PPP1R42: variants seen among roughly 807,000 people sequenced by gnomAD.
PPP1R42 encodes the protein leucine rich repeat containing 67.
PPP1R42 carries 34 observed loss-of-function variants against 31.0 expected under a neutral mutation model. The ratio of observed to expected loss-of-function variants is 1.10; its 90% CI spans 0.83 to 1.46. PPP1R42 has a LOEUF of 1.46. PPP1R42 is among the 40% of genes most tolerant of loss of function. The pLI is 0.00. For synonymous variants in PPP1R42, 103 were observed against 109.8 expected, an observed-to-expected ratio of 0.94 and a Z score of 0.39; for missense variants, 268 against 303.0, an observed-to-expected ratio of 0.88 and a Z score of 0.86.
intron 5 of PPP1R42, among the ~76,000 whole-genome samples, chr8:67,004,279 A>C (rs1403440346): frequency 1.3e-5 from 2 of 152,304 alleles, no homozygotes; most frequent in East Asian, 3.9e-4. Context: ...GCCAGAAACC[A>C]ACCTTTGCTG....
chr8:67,015,923 A>G (rs1006777844), intron 2 of PPP1R42, among the ~76,000 whole-genome samples: 6 of 152,328 alleles, frequency 3.9e-5, no homozygotes, highest in Admixed American at 3.9e-4. Context: ...TTCTCATTTT[A>G]GTGTGAATTA....
intron 7 of PPP1R42, among the ~76,000 whole-genome samples, chr8:66,967,501 TA>T (rs1321561930): frequency 6.6e-6 from 1 of 152,220 alleles, no homozygotes; most frequent in Non-Finnish European, 1.5e-5. Flanking sequence ...GTTTTGTGAC[TA>T]AAAATATCTG....
intron 7 of PPP1R42, among the ~76,000 whole-genome samples, chr8:66,966,130 T>A (rs1279794712): frequency 6.6e-6 from 1 of 152,214 alleles, no homozygotes; most frequent in Non-Finnish European, 1.5e-5. Flanking sequence ...GATGATTTCA[T>A]AATCGAGATA....
intron 6 of PPP1R42, among the ~76,000 whole-genome samples, chr8:66,987,440 C>T (rs1274320848): frequency 6.6e-6 from 1 of 151,900 alleles, no homozygotes; most frequent in Admixed American, 6.6e-5. Context: ...TACATGTGCA[C>T]ACTGCCACCC....
At chr8:67,013,227 G>T in intron 3 of PPP1R42, 131 bp from the exon 4 acceptor site, 1 of 638,502 alleles carries the variant, frequency 1.6e-6, no homozygotes, top group Non-Finnish European at 2.5e-6. Flanking sequence ...GTGTTATATT[G>T]AATCTATGAA....
At chr8:67,001,145 GTA>G (rs1815471182) in intron 5 of PPP1R42, among the ~76,000 whole-genome samples, 1 of 148,802 alleles carries the variant, frequency 6.7e-6, no homozygotes, top group Non-Finnish European at 1.5e-5. Flanking sequence ...TGTGTTTGCA[GTA>G]TATTTTTTTC....
At chr8:66,977,990 A>G (rs1814725947) in intron 7 of PPP1R42, among the ~76,000 whole-genome samples, 1 of 152,172 alleles carries the variant, frequency 6.6e-6, no homozygotes. Flanking sequence ...TCTGTTCTCT[A>G]TAGTGGTTGT....
rs541772073 is a variant in PPP1R42, at chr8:67,014,183, T to C, written c.296+243A>G. On this transcript the variant is annotated intron_variant, in intron 3 of 7. Transcript: ENST00000685739. Reference sequence around the variant, plus strand: ...CTTAATAAAACACAAATTATTAATATTATATGTGAAACAATTTACTTCTTG... The same window carrying C: ...CTTAATAAAACACAAATTATTAATACTATATGTGAAACAATTTACTTCTTG... Among the ~76,000 whole-genome samples the C allele has an allele frequency of 6.6e-5, 10 of 152,258 alleles. No homozygotes were observed. The South Asian group carries it at 1.0e-3, about 16-fold the overall frequency.
rs1476747446 is a variant in PPP1R42, at chr8:66,984,253, C to G, written c.671-2073G>C. On this transcript the variant is annotated intron_variant, in intron 6 of 7. Transcript: ENST00000685739. ...AGGACACTGTTTAAACTTCATCTCTCCAAAGCTCCGGTCTTTGGCTGTACC... is the reference window on the plus strand; with the variant it reads ...AGGACACTGTTTAAACTTCATCTCTGCAAAGCTCCGGTCTTTGGCTGTACC... 7 of 1,477,434 alleles carry G rather than the reference C, an allele frequency of 4.7e-6. No individual in the cohort carries two copies. In the African/African-American group the frequency reaches 8.3e-5, roughly 18 times the overall value. 91.5% of individuals were successfully genotyped at this position (1,477,434 alleles called of 1,614,324 possible). A position where few individuals can be genotyped will look rare whatever the true frequency, so the allele number is the denominator to read the frequency against.
Position 67,017,651 on chromosome 8 carries a change from T to C in PPP1R42, c.97A>G (p.Ile33Val). The part of the protein sequence containing the change: ...ISQCLKKITH[I>V]NFSDKNIDAI... ...TCTATATTTTTGTCTGAAAAATTTATATGAGTTATTTTCTTCAGGCACTGT... is the reference window on the plus strand; with the variant it reads ...TCTATATTTTTGTCTGAAAAATTTACATGAGTTATTTTCTTCAGGCACTGT... Residue 33 changes from isoleucine (I) to valine (V), a missense_variant, in exon 2 of 8, where the codon ATA (isoleucine) becomes GTA (valine). Ile to Val is a conservative substitution (Grantham distance 29, BLOSUM62 3). Transcript: ENST00000685739. The C allele has an allele frequency of 6.4e-7, 1 of 1,572,332 alleles. No individual in the cohort carries two copies. Among genetic ancestry groups the C allele is most frequent in the Middle Eastern group, 1.8e-4 (1 of 5,476 alleles).
chr8:66,981,124 G>A (rs996704698), intron 7 of PPP1R42, among the ~76,000 whole-genome samples: 1 of 152,100 alleles, frequency 6.6e-6, no homozygotes, highest in Non-Finnish European at 1.5e-5. Context: ...TTACAGGCAT[G>A]AGCCACCGTG....
At chr8:66,998,308 G>A (rs928213060) in intron 5 of PPP1R42, among the ~76,000 whole-genome samples, 1 of 152,084 alleles carries the variant, frequency 6.6e-6, no homozygotes, top group African/African-American at 2.4e-5. Flanking sequence ...TATATCTGAT[G>A]AAGTTATAAA....
chr8:66,968,249 C>G (rs1814441255), intron 7 of PPP1R42, among the ~76,000 whole-genome samples: 1 of 152,116 alleles, frequency 6.6e-6, no homozygotes. Flanking sequence ...AGAAAGCAGG[C>G]TTGTATAAAC....
At chr8:66,966,990 T>A (rs1458186258) in intron 7 of PPP1R42, among the ~76,000 whole-genome samples, 1 of 152,160 alleles carries the variant, frequency 6.6e-6, no homozygotes, top group Non-Finnish European at 1.5e-5. Flanking sequence ...AAGTTTTTGA[T>A]TTTTGAGACA....
intron 5 of PPP1R42, among the ~76,000 whole-genome samples, chr8:67,002,273 C>T (rs530763850): frequency 3.0e-4 from 46 of 152,192 alleles, no homozygotes; most frequent in Non-Finnish European, 6.2e-4. Flanking sequence ...GATCTCGGCT[C>T]ACTGCAACCT....
chr8:66,980,475 C>G (rs1054232470), intron 7 of PPP1R42, among the ~76,000 whole-genome samples: 1 of 152,088 alleles, frequency 6.6e-6, no homozygotes, highest in Non-Finnish European at 1.5e-5. Flanking sequence ...ATTATCCTCC[C>G]ACCTCAGCCT....
At chr8:67,024,629 C>A (rs1585693565) in intron 1 of PPP1R42, among the ~76,000 whole-genome samples, 1 of 151,990 alleles carries the variant, frequency 6.6e-6, no homozygotes, top group East Asian at 1.9e-4. Context: ...CGCCTCCCAC[C>A]AAGCCCAGCT....
chr8:67,005,785 A>C (rs1302456118), intron 5 of PPP1R42, among the ~76,000 whole-genome samples: 1 of 151,978 alleles, frequency 6.6e-6, no homozygotes, highest in Non-Finnish European at 1.5e-5. Flanking sequence ...GTAGTCTCCC[A>C]ACTTATCTCT....
chr8:66,967,603 T>C (rs1463707018), intron 7 of PPP1R42, among the ~76,000 whole-genome samples: 1 of 149,210 alleles, frequency 6.7e-6, no homozygotes, highest in Non-Finnish European at 1.5e-5. Context: ...TTGTTTTAAC[T>C]GTTATTCGAG....
Sources: allele counts gnomAD v4.1 joint callset (sites outside exome capture counted in the v4.1 genomes callset), GRCh38; gene constraint gnomAD v4.1.1; transcripts MANE v1.5; gene names NCBI Gene and HGNC (gene_info 2026-07-23, HGNC 2026-07-21).